The following EDAR variants were observed in gnomAD, a reference collection of about 807,000 sequenced individuals.
The protein encoded by EDAR is ectodysplasin A receptor.
EDAR carries 38 observed loss-of-function variants against 51.3 expected under a neutral mutation model. The observed-to-expected ratio is 0.74, with a 90% CI of 0.57 to 0.97. EDAR has a LOEUF of 0.97. Among genes scored for constraint, EDAR ranks in the 50% least tolerant of loss-of-function variants. The probability of loss-of-function intolerance (pLI) is 0.00; values close to 1 mark genes in which losing one functional copy is unlikely to be tolerated. For synonymous variants in EDAR, 227 were observed against 242.1 expected, an observed-to-expected ratio of 0.94 and a Z score of 0.58; for missense variants, 528 against 595.0, an observed-to-expected ratio of 0.89 and a Z score of 1.17.
At chr2:108,908,200 A>ACC (rs1350095105) in intron 9 of EDAR, among the ~76,000 whole-genome samples, 181 bp from the exon 10 acceptor site, 1 of 151,880 alleles carries the variant, frequency 6.6e-6, no homozygotes, top group Non-Finnish European at 1.5e-5. Context: ...CGAGACATAC[A>ACC]CCGGTGGCTT....
rs748806220 is a variant in EDAR, at chr2:108,929,330, G to A, written c.224C>T (p.Pro75Leu). 62 of 1,614,020 alleles carry A rather than the reference G, an allele frequency of 3.8e-5. No homozygotes were observed. The highest frequency in any genetic ancestry group is 1.6e-4 in the Middle Eastern group (1 of 6,084). The change falls in exon 4 of 12, where the codon CCG becomes CTG. Residue 75 changes from proline (P) to leucine (L), a missense_variant. Coordinates refer to ENST00000258443, the MANE Select transcript of EDAR (RefSeq NM_022336.4). ...GCCTCCTTTGGAAAACTTCTCCGCCGGGCAGGGGACGCAGCCGTAGTCCTC... is the reference window on the plus strand; with the variant it reads ...GCCTCCTTTGGAAAACTTCTCCGCCAGGCAGGGGACGCAGCCGTAGTCCTC... The part of the protein sequence containing the change: ...KDEDYGCVPC[P>L]AEKFSKGGYQ...
chr2:108,906,608 C>T (rs974906746), intron 10 of EDAR, among the ~76,000 whole-genome samples: 1 of 152,216 alleles, frequency 6.6e-6, no homozygotes, highest in Non-Finnish European at 1.5e-5. Flanking sequence ...GGTGGTCAGA[C>T]TCGTAAGATA....
At chr2:108,948,875 T>C (rs1211457470) in intron 1 of EDAR, among the ~76,000 whole-genome samples, 1 of 152,158 alleles carries the variant, frequency 6.6e-6, no homozygotes, top group East Asian at 1.9e-4. Flanking sequence ...CCCAGCACTT[T>C]GGGATGCCGA....
At chr2:108,968,389 C>G (rs933265746) in intron 1 of EDAR, among the ~76,000 whole-genome samples, 13 of 152,238 alleles carry the variant, frequency 8.5e-5, no homozygotes, top group African/African-American at 2.9e-4. Flanking sequence ...TACATGCATC[C>G]TTTTGACTGT....
At chr2:108,988,432 C>G (rs1698532717) in intron 1 of EDAR, among the ~76,000 whole-genome samples, 2 of 152,180 alleles carry the variant, frequency 1.3e-5, no homozygotes, top group Non-Finnish European at 2.9e-5. Flanking sequence ...CCACTCCCCT[C>G]CTTCTCTCCC....
In EDAR at chr2:108,941,971, C is replaced by T. The variant is rs1265728852; in HGVS notation, c.-18-10939G>A. On this transcript the variant is annotated intron_variant, in intron 1 of 11. Coordinates refer to ENST00000258443, the MANE Select transcript of EDAR (RefSeq NM_022336.4). The stretch of plus-strand genomic sequence containing the variant: ...GGCCTGTCCATGCCACGGTTCCCTG[C>T]TGGCTGGGGAAGGTGGCTGCCTTTC... Among the ~76,000 whole-genome samples, 8 of 152,228 alleles carry T rather than the reference C, an allele frequency of 5.3e-5. No homozygotes were observed. The East Asian group carries it at 1.5e-3, about 29-fold the overall frequency.
At chr2:108,961,358 C>T (rs1361256857) in intron 1 of EDAR, among the ~76,000 whole-genome samples, 2 of 152,172 alleles carry the variant, frequency 1.3e-5, no homozygotes, top group African/African-American at 4.8e-5. Flanking sequence ...GACCTCCCCT[C>T]ACTCACTCAA....
chr2:108,919,758 G>C (rs1697099839), intron 5 of EDAR, among the ~76,000 whole-genome samples: 2 of 152,188 alleles, frequency 1.3e-5, no homozygotes, highest in Admixed American at 1.3e-4. Context: ...CGGCAGTGTA[G>C]GTCAGCGAGG....
intron 5 of EDAR, among the ~76,000 whole-genome samples, chr2:108,916,892 G>A (rs1253866725): frequency 6.6e-6 from 1 of 152,168 alleles, no homozygotes; most frequent in Non-Finnish European, 1.5e-5. Flanking sequence ...GACTGGTCAG[G>A]AGAATCACAG....
chr2:108,949,280 C>A lies in EDAR; in HGVS notation c.-18-18248G>T, dbSNP rs1000541194. Among the ~76,000 whole-genome samples the A allele has an allele frequency of 5.8e-4, 89 of 152,158 alleles. 1 individual carries two copies. Among genetic ancestry groups the A allele is most frequent in the Non-Finnish European group, 1.0e-3 (70 of 68,022 alleles). On this transcript the variant is annotated intron_variant, in intron 1 of 11. Transcript: ENST00000258443. ...TACAGGTGTGAGCCACCAAGCCTGG[C>A]TAACATAGGCTATTTTTAATAAAAG...
intron 1 of EDAR, among the ~76,000 whole-genome samples, chr2:108,973,356 G>C (rs1347144909): frequency 6.6e-6 from 1 of 152,232 alleles, no homozygotes; most frequent in Non-Finnish European, 1.5e-5. Context: ...GACTCAGGGG[G>C]CTGGCTAGGG....
At chr2:108,968,008 T>C (rs970847641) in intron 1 of EDAR, among the ~76,000 whole-genome samples, 2 of 152,088 alleles carry the variant, frequency 1.3e-5, no homozygotes, top group African/African-American at 2.4e-5. Context: ...GGAGAGATCA[T>C]AGAGAGATGT....
intron 1 of EDAR, among the ~76,000 whole-genome samples, chr2:108,964,654 A>G (rs1574408535): frequency 6.6e-6 from 1 of 152,214 alleles, no homozygotes; most frequent in Non-Finnish European, 1.5e-5. Context: ...TAGCACTCCA[A>G]TTCCAGAAAG....
intron 1 of EDAR, among the ~76,000 whole-genome samples, chr2:108,984,825 G>A (rs1310865967): frequency 1.3e-5 from 2 of 152,110 alleles, no homozygotes; most frequent in African/African-American, 4.8e-5. Flanking sequence ...CCAGCATGGT[G>A]CCTGGCATGT....
chr2:108,914,474 A>C (rs1211331986), intron 5 of EDAR, among the ~76,000 whole-genome samples: 1 of 152,090 alleles, frequency 6.6e-6, no homozygotes, highest in East Asian at 1.9e-4. Context: ...TATGCTTCCC[A>C]CAACTCCCCT....
chr2:108,951,615 G>C (rs1203458550), intron 1 of EDAR, among the ~76,000 whole-genome samples: 1 of 152,130 alleles, frequency 6.6e-6, no homozygotes, highest in African/African-American at 2.4e-5. Flanking sequence ...ATGGTTTACA[G>C]GGAAGGGCAC....
intron 1 of EDAR, among the ~76,000 whole-genome samples, chr2:108,962,811 C>T (rs998449465): frequency 6.6e-6 from 1 of 151,974 alleles, no homozygotes. Flanking sequence ...CCATTCTGTC[C>T]AAGAGACTGA....
At chr2:108,919,302 A>G (rs1329293389) in intron 5 of EDAR, among the ~76,000 whole-genome samples, 1 of 152,216 alleles carries the variant, frequency 6.6e-6, no homozygotes, top group African/African-American at 2.4e-5. Context: ...GTCACTGATG[A>G]TAAGAAAACA....
intron 1 of EDAR, among the ~76,000 whole-genome samples, chr2:108,980,593 G>A (rs765252667): frequency 1.5e-4 from 23 of 152,114 alleles, no homozygotes; most frequent in Admixed American, 5.2e-4. Context: ...TATGGATAAA[G>A]GTAAAACAGG....
Sources: allele counts gnomAD v4.1 joint callset (sites outside exome capture counted in the v4.1 genomes callset), GRCh38; gene constraint gnomAD v4.1.1; transcripts MANE v1.5; gene names NCBI Gene and HGNC (gene_info 2026-07-23, HGNC 2026-07-21).